The following CLYBL variants were observed in gnomAD, a reference collection of about 807,000 sequenced individuals.
CLYBL encodes the protein citramalyl-CoA lyase, also known as citramalyl-CoA lyase, mitochondrial.
In CLYBL, 31 loss-of-function variants were observed where a neutral mutation model predicts 38.9. That is an observed-to-expected ratio of 0.80 (90% CI 0.60 to 1.08). The LOEUF is 1.08. CLYBL is among the 50% of genes least tolerant of loss of function. CLYBL has a pLI of 0.00. For synonymous variants in CLYBL, 171 were observed against 158.6 expected (o/e 1.08, Z -0.59); for missense variants, 434 against 411.6 (o/e 1.05, Z -0.47).
rs867843727 is a variant in CLYBL, at chr13:99,679,476, G to A, written c.62+72719G>A. Among the ~76,000 whole-genome samples, 137 of 151,980 alleles carry A rather than the reference G, an allele frequency of 9.0e-4. 1 individual carries two copies. The highest frequency in any genetic ancestry group is 2.5e-3 in the African/African-American group (102 of 41,374). ...AATGTGACCTTTTAGGGTATTCAGCGTCCATCTTCCTCACCCGGGGAATCT... is the reference window on the plus strand; with the variant it reads ...AATGTGACCTTTTAGGGTATTCAGCATCCATCTTCCTCACCCGGGGAATCT... On this transcript the variant is annotated intron_variant, in intron 1 of 8. Coordinates refer to ENST00000339105, the MANE Select transcript of CLYBL (RefSeq NM_206808.5).
Position 99,703,180 on chromosome 13 carries a change from C to T in CLYBL, c.63-69644C>T, listed in dbSNP as rs60651241. ...CAATTTGTGTTTCCGGGGCTGGGCA[C>T]GAGGTGGCTCTAGCCTGTAATCCCC... On this transcript the variant is annotated intron_variant, in intron 1 of 8. Coordinates refer to ENST00000339105, the MANE Select transcript of CLYBL (RefSeq NM_206808.5). 6.0e-4 allele frequency among the ~76,000 whole-genome samples: 91 copies of T among 152,282 alleles called. 1 individual carries two copies. In the East Asian group the frequency reaches 0.015, roughly 25 times the overall value.
chr13:99,791,725 A>G (rs2049921233), intron 2 of CLYBL, among the ~76,000 whole-genome samples: 1 of 152,338 alleles, frequency 6.6e-6, no homozygotes, highest in South Asian at 2.1e-4. Flanking sequence ...CTATGTGAGC[A>G]TTTGATAAAT....
chr13:99,633,961 A>G (rs575709094), intron 1 of CLYBL, among the ~76,000 whole-genome samples: 2 of 152,274 alleles, frequency 1.3e-5, no homozygotes, highest in African/African-American at 4.8e-5. Flanking sequence ...AGGGCAGAAA[A>G]AATATTTGAG....
intron 7 of CLYBL, among the ~76,000 whole-genome samples, chr13:99,890,440 A>C (rs1333267378): frequency 6.6e-6 from 1 of 152,080 alleles, no homozygotes; most frequent in African/African-American, 2.4e-5. Flanking sequence ...CAGATCTATG[A>C]TTCCTTTGTT....
chr13:99,716,169 A>AT (rs4001024), intron 1 of CLYBL, among the ~76,000 whole-genome samples: 647 of 33,438 alleles, frequency 0.019, 238 homozygotes, highest in East Asian at 0.029. Context: ...TATTGGTGTA[A>AT]TTTTTTTTTT....
chr13:99,657,737 C>T (rs1041778287), intron 1 of CLYBL, among the ~76,000 whole-genome samples: 8 of 152,102 alleles, frequency 5.3e-5, no homozygotes, highest in African/African-American at 1.9e-4. Flanking sequence ...TTTTATACTG[C>T]AAGTTACAAT....
At chr13:99,813,867 A>C (rs2138997587) in intron 2 of CLYBL, among the ~76,000 whole-genome samples, 1 of 152,252 alleles carries the variant, frequency 6.6e-6, no homozygotes, top group Non-Finnish European at 1.5e-5. Context: ...TAGCCCAATA[A>C]GCTACTTAAA....
chr13:99,738,536 G>C (rs927358748), intron 1 of CLYBL, among the ~76,000 whole-genome samples: 1 of 152,106 alleles, frequency 6.6e-6, no homozygotes, highest in Non-Finnish European at 1.5e-5. Flanking sequence ...TCTGTTCGTT[G>C]GTCAGTCAGT....
intron 1 of CLYBL, among the ~76,000 whole-genome samples, chr13:99,639,070 A>C (rs780723097): frequency 1.3e-5 from 2 of 152,216 alleles, no homozygotes; most frequent in Non-Finnish European, 2.9e-5. Context: ...TTTTGAAAAA[A>C]ATCATCTGCT....
chr13:99,711,798 C>A (rs1799519310), intron 1 of CLYBL, among the ~76,000 whole-genome samples: 2 of 151,592 alleles, frequency 1.3e-5, no homozygotes, highest in Non-Finnish European at 2.9e-5. Flanking sequence ...TCACGGCAAC[C>A]TTCACCTCCT....
At position 99,779,786 on chromosome 13, in the gene CLYBL, T is replaced by C. The variant is rs371008578; in HGVS notation, c.249+6776T>C. On this transcript the variant is annotated intron_variant, in intron 2 of 8. Coordinates refer to ENST00000339105, the MANE Select transcript of CLYBL (RefSeq NM_206808.5). ...TGTAGGAGAGTTTTTTGTTTTTTGT[T>C]TTTTTCAATTTATCTTTTTGTTGCT... is the stretch of plus-strand genomic sequence containing the variant. 4.7e-4 allele frequency among the ~76,000 whole-genome samples: 71 copies of C among 152,276 alleles called. 1 individual carries two copies. The highest frequency in any genetic ancestry group is 1.6e-3 in the African/African-American group (68 of 41,542).
intron 1 of CLYBL, among the ~76,000 whole-genome samples, chr13:99,744,285 T>G (rs2139610853): frequency 6.6e-6 from 1 of 152,332 alleles, no homozygotes; most frequent in Admixed American, 6.5e-5. Flanking sequence ...CTCCACTTTC[T>G]TTAAAATGTT....
intron 1 of CLYBL, among the ~76,000 whole-genome samples, chr13:99,748,819 C>T (rs1021307202): frequency 3.3e-5 from 5 of 152,134 alleles, no homozygotes; most frequent in African/African-American, 1.2e-4. Flanking sequence ...CCTATTGTGT[C>T]TGGCTTATTT....
chr13:99,759,622 C>G (rs1227264934), intron 1 of CLYBL, among the ~76,000 whole-genome samples: 1 of 152,012 alleles, frequency 6.6e-6, no homozygotes, highest in African/African-American at 2.4e-5. Context: ...ATACCAGACA[C>G]AGAATTTCTG....
intron 1 of CLYBL, among the ~76,000 whole-genome samples, chr13:99,615,906 T>A (rs1169545532): frequency 2.0e-5 from 3 of 152,196 alleles, no homozygotes; most frequent in Admixed American, 1.3e-4. Context: ...CAATCTCAGC[T>A]CACTGCAACC....
chr13:99,686,614 T>A (rs538913209), intron 1 of CLYBL, among the ~76,000 whole-genome samples: 1 of 152,358 alleles, frequency 6.6e-6, no homozygotes, highest in African/African-American at 2.4e-5. Flanking sequence ...ATTAATTTAC[T>A]AAGCAGTACT....
intron 1 of CLYBL, among the ~76,000 whole-genome samples, chr13:99,766,276 AC>A (rs1488142041): frequency 1.3e-5 from 2 of 152,010 alleles, no homozygotes; most frequent in Non-Finnish European, 2.9e-5. Flanking sequence ...AATGATTCTT[AC>A]CTCTGCTTGA....
Position 99,871,019 on chromosome 13 carries a change from A to T in CLYBL, c.884A>T (p.Glu295Val). 6 of 1,614,044 alleles carry T rather than the reference A, an allele frequency of 3.7e-6. No individual in the cohort carries two copies. The highest frequency in any genetic ancestry group is 5.1e-6 in the Non-Finnish European group (6 of 1,179,922). ...SPSPEKIKWAEELIAAFKEHQ... is the reference protein window; with the variant it reads ...SPSPEKIKWAVELIAAFKEHQ... ...TCCCCTGAAAAAATTAAGTGGGCTG[A>T]AGAACTGATTGCTGCCTTTAAAGAA... Residue 295 changes from glutamate (E) to valine (V), a missense_variant, in exon 7 of 9, where the codon GAA (glutamate) becomes GTA (valine). Physicochemically the swap from Glu to Val is moderately radical, Grantham distance 121 (BLOSUM62 -2). Transcript: ENST00000339105.
At chr13:99,733,132 C>A (rs1258083173) in intron 1 of CLYBL, among the ~76,000 whole-genome samples, 2 of 152,120 alleles carry the variant, frequency 1.3e-5, no homozygotes, top group Non-Finnish European at 2.9e-5. Flanking sequence ...CTCTTGAAAT[C>A]AGTTATTTGT....
Sources: allele counts gnomAD v4.1 joint callset (sites outside exome capture counted in the v4.1 genomes callset), GRCh38; gene constraint gnomAD v4.1.1; transcripts MANE v1.5; gene names NCBI Gene and HGNC (gene_info 2026-07-23, HGNC 2026-07-21).